VPS50: variants seen among roughly 807,000 people sequenced by gnomAD.
The protein encoded by VPS50 is VPS50 subunit of EARP/GARPII complex.
Under a neutral mutation model 139.7 loss-of-function variants are expected in VPS50, and 70 were observed. The observed-to-expected ratio is 0.50, with a 90% CI of 0.41 to 0.61. The LOEUF is 0.61. Ranked by LOEUF, VPS50 falls within the 20% of genes least tolerant of loss-of-function variation. VPS50 has a pLI of 0.00. For missense variants in VPS50, 921 were observed against 1,133.7 expected (o/e 0.81, Z 2.69); for synonymous variants, 365 against 376.7 (o/e 0.97, Z 0.36).
At chr7:93,263,836 T>C (rs1216556797) in intron 9 of VPS50, among the ~76,000 whole-genome samples, 1 of 151,828 alleles carries the variant, frequency 6.6e-6, no homozygotes, top group Admixed American at 6.6e-5. Context: ...AAATGGAAAA[T>C]ATTTGGAAAG....
chr7:93,348,633 A>G, intron 23 of VPS50, 78 bp from the exon 24 acceptor site: 1 of 995,540 alleles, frequency 1.0e-6, no homozygotes, highest in East Asian at 2.4e-5. Context: ...GAAATGTTAA[A>G]AAATACTTAT....
intron 11 of VPS50, among the ~76,000 whole-genome samples, chr7:93,274,557 T>G (rs1796097754): frequency 6.6e-6 from 1 of 152,136 alleles, no homozygotes; most frequent in South Asian, 2.1e-4. Flanking sequence ...AAAATGTCCC[T>G]TTCAAAATAT....
At chr7:93,310,332 T>C (rs994721405) in intron 19 of VPS50, among the ~76,000 whole-genome samples, 14 of 152,056 alleles carry the variant, frequency 9.2e-5, no homozygotes, top group African/African-American at 3.1e-4. Context: ...CCAATTTTTC[T>C]TGTATTTTAC....
At chr7:93,260,769 C>T (rs1463409676) in intron 9 of VPS50, among the ~76,000 whole-genome samples, 1 of 151,938 alleles carries the variant, frequency 6.6e-6, no homozygotes, top group Non-Finnish European at 1.5e-5. Context: ...GATCTTGGCT[C>T]ACTGCAACCT....
At chr7:93,322,283 T>C (rs1309374130) in intron 20 of VPS50, among the ~76,000 whole-genome samples, 1 of 152,138 alleles carries the variant, frequency 6.6e-6, no homozygotes, top group African/African-American at 2.4e-5. Flanking sequence ...AGTAAATGTG[T>C]TTTGAGTCAT....
chr7:93,314,645 A>C (rs1365905930), intron 20 of VPS50, among the ~76,000 whole-genome samples: 10 of 152,144 alleles, frequency 6.6e-5, no homozygotes, highest in Non-Finnish European at 1.5e-4. Context: ...TGCCGACAAC[A>C]ACAAAATTAC....
rs188655208 is a variant in VPS50, at chr7:93,246,444, A to G, written c.103-6209A>G. On this transcript the variant is annotated intron_variant, in intron 2 of 27. Coordinates refer to ENST00000305866, the MANE Select transcript of VPS50 (RefSeq NM_017667.4). Reference sequence around the variant, plus strand: ...TGGTGTGCATTTCATTTTTTATTCTATATATTTTTTTCAGAGTTTTGAAAT... The same window carrying G: ...TGGTGTGCATTTCATTTTTTATTCTGTATATTTTTTTCAGAGTTTTGAAAT... Among the ~76,000 whole-genome samples the G allele has an allele frequency of 2.2e-4, 34 of 151,676 alleles. No homozygotes were observed. In the East Asian group the frequency reaches 6.4e-3, roughly 28 times the overall value.
At chr7:93,239,174 T>A (rs1794905772) in intron 1 of VPS50, among the ~76,000 whole-genome samples, 2 of 152,212 alleles carry the variant, frequency 1.3e-5, no homozygotes, top group Admixed American at 6.5e-5. Context: ...GCAGGGACAT[T>A]AAATGTCTGC....
intron 19 of VPS50, among the ~76,000 whole-genome samples, chr7:93,309,511 C>A (rs1245996459): frequency 6.6e-6 from 1 of 151,864 alleles, no homozygotes; most frequent in Non-Finnish European, 1.5e-5. Flanking sequence ...CCTTTGGTGG[C>A]CATTTATGCT....
chr7:93,297,007 ATG>A, intron 15 of VPS50, 136 bp from the exon 16 acceptor site: 2 of 1,449,712 alleles, frequency 1.4e-6, no homozygotes, highest in Non-Finnish European at 1.8e-6. Context: ...GTAAACCTTT[ATG>A]GATTTGTGAT....
At chr7:93,275,806 A>C in intron 11 of VPS50, 1 of 179,806 alleles carries the variant, frequency 5.6e-6, no homozygotes, top group Non-Finnish European at 1.2e-5. Context: ...ACCATTGAGA[A>C]GTGCACTGAA....
rs928683241 is a variant in VPS50, at chr7:93,253,899, T to C, written c.265T>C (p.Tyr89His). 1 of 1,602,528 alleles carries C rather than the reference T, an allele frequency of 6.2e-7. No homozygotes were observed. ...PVLNLQELEA[Y>H]RDKLKQQQAA... Reference sequence around the variant, plus strand: ...TCTCAATTTGCAAGAATTAGAGGCGTATAGAGACAAATTGAAACAACAGCA... The same window carrying C: ...TCTCAATTTGCAAGAATTAGAGGCGCATAGAGACAAATTGAAACAACAGCA... The change falls in exon 4 of 28, where the codon TAT becomes CAT. Residue 89 changes from tyrosine (Y) to histidine (H), a missense_variant. Transcript: ENST00000305866.
intron 21 of VPS50, among the ~76,000 whole-genome samples, chr7:93,327,716 G>C (rs1797822722): frequency 6.6e-6 from 1 of 152,122 alleles, no homozygotes; most frequent in Non-Finnish European, 1.5e-5. Context: ...AATTTCCGAA[G>C]AGAATAAGCT....
intron 10 of VPS50, among the ~76,000 whole-genome samples, chr7:93,271,464 A>G (rs1033660443): frequency 5.3e-5 from 8 of 151,792 alleles, no homozygotes; most frequent in Non-Finnish European, 4.4e-5. Flanking sequence ...TCAAAACAGC[A>G]TTTGAAAATA....
At chr7:93,259,747 A>G in intron 9 of VPS50, 115 bp downstream of exon 9, 1 of 548,524 alleles carries the variant, frequency 1.8e-6, no homozygotes, top group Non-Finnish European at 3.3e-6. Context: ...TTCTAGTTTA[A>G]CATTCATATT....
At chr7:93,250,798 G>A (rs907705788) in intron 2 of VPS50, among the ~76,000 whole-genome samples, 1 of 152,066 alleles carries the variant, frequency 6.6e-6, no homozygotes, top group Non-Finnish European at 1.5e-5. Context: ...CTATCCATCT[G>A]ACAAAGAGCT....
intron 9 of VPS50, among the ~76,000 whole-genome samples, chr7:93,260,922 C>T (rs764278587): frequency 2.6e-5 from 4 of 152,108 alleles, no homozygotes; most frequent in African/African-American, 9.7e-5. Flanking sequence ...TCTCTAACTC[C>T]ACCGCGCCCA....
At chr7:93,245,704 A>G (rs946041225) in intron 2 of VPS50, among the ~76,000 whole-genome samples, 1 of 151,896 alleles carries the variant, frequency 6.6e-6, no homozygotes, top group African/African-American at 2.4e-5. Flanking sequence ...TAACTTCAAC[A>G]GTATTCCACT....
At chr7:93,324,734 A>G (rs942682595) in intron 21 of VPS50, among the ~76,000 whole-genome samples, 2 of 152,138 alleles carry the variant, frequency 1.3e-5, no homozygotes, top group African/African-American at 4.8e-5. Context: ...TCCAACTTAC[A>G]AGGGATGTGA....
Sources: allele counts gnomAD v4.1 joint callset (sites outside exome capture counted in the v4.1 genomes callset), GRCh38; gene constraint gnomAD v4.1.1; transcripts MANE v1.5; gene names NCBI Gene and HGNC (gene_info 2026-07-23, HGNC 2026-07-21).